DLGAP2: variants seen among roughly 807,000 people sequenced by gnomAD.
The protein encoded by DLGAP2 is DLG associated protein 2.
DLGAP2 carries 26 observed loss-of-function variants against 100.3 expected under a neutral mutation model. That is an observed-to-expected ratio of 0.26 (90% CI 0.19 to 0.36). DLGAP2 has a LOEUF of 0.36. Among genes scored for constraint, DLGAP2 ranks in the 10% least tolerant of loss-of-function variants. The pLI, the probability that DLGAP2 is intolerant of heterozygous loss-of-function variation, is 1.00. For synonymous variants in DLGAP2, 886 were observed against 630.1 expected (o/e 1.41, Z -6.08); for missense variants, 1,858 against 1,453.2 (o/e 1.28, Z -4.53).
chr8:774,303 G>C (rs1028793281), intron 1 of DLGAP2, among the ~76,000 whole-genome samples: 1 of 152,188 alleles, frequency 6.6e-6, no homozygotes. Flanking sequence ...TGAGTTGCCT[G>C]TTCACTCTGA....
At chr8:1,446,990 G>T (rs1257300430) in intron 3 of DLGAP2, among the ~76,000 whole-genome samples, 1 of 152,116 alleles carries the variant, frequency 6.6e-6, no homozygotes, top group Admixed American at 6.6e-5. Flanking sequence ...AGGAGATTTT[G>T]GGCTGAGACA....
chr8:1,355,407 C>G (rs182197989), intron 3 of DLGAP2, among the ~76,000 whole-genome samples: 1 of 152,040 alleles, frequency 6.6e-6, no homozygotes, highest in African/African-American at 2.4e-5. Flanking sequence ...CTCTGTCACC[C>G]AGGTTGGAGT....
chr8:1,230,199 T>C (rs534825530), intron 2 of DLGAP2, among the ~76,000 whole-genome samples: 1 of 152,298 alleles, frequency 6.6e-6, no homozygotes, highest in East Asian at 1.9e-4. Context: ...CAAAAATCAG[T>C]AGCATTTCTA....
intron 6 of DLGAP2, among the ~76,000 whole-genome samples, chr8:1,582,737 G>A (rs964186045): frequency 2.6e-5 from 4 of 152,120 alleles, no homozygotes; most frequent in African/African-American, 9.7e-5. Flanking sequence ...TTACAAGTGT[G>A]CACCACCACA....
rs1320728985 is a variant in DLGAP2, at chr8:1,549,214, C to A, written c.761C>A (p.Ala254Asp). 1 of 1,602,842 alleles carries A rather than the reference C, an allele frequency of 6.2e-7. No individual in the cohort carries two copies. Among genetic ancestry groups the A allele is most frequent in the Non-Finnish European group, 8.5e-7 (1 of 1,175,596 alleles). The change falls in exon 5 of 15, where the codon GCC becomes GAC. Residue 254 changes from alanine to aspartate, a missense_variant. Ala to Asp is a moderately radical substitution (Grantham distance 126). Coordinates refer to ENST00000637795, the MANE Select transcript of DLGAP2 (RefSeq NM_001346810.2). ...HSLEGSSKSN[A>D]NGTKADGRAD... ...CTGGAGGGCTCCTCCAAAAGCAACGCCAACGGCACCAAGGCGGACGGCCGG... is the reference window on the plus strand; with the variant it reads ...CTGGAGGGCTCCTCCAAAAGCAACGACAACGGCACCAAGGCGGACGGCCGG...
rs368229038 is a variant in DLGAP2 at position 1,549,330 on chromosome 8, A to G, written c.877A>G (p.Met293Val). The G allele has an allele frequency of 1.9e-6, 3 of 1,613,150 alleles. No homozygotes were observed. Among genetic ancestry groups the G allele is most frequent in the South Asian group, 1.1e-5 (1 of 91,076 alleles). ...RKPEGKPRPG[M>V]SSWWSSDDNL... ...GCCGGAGGGCAAGCCCCGGCCCGGC[A>G]TGAGCAGCTGGTGGAGCTCGGACGA... Residue 293 changes from methionine (M) to valine (V), a missense_variant, in exon 5 of 15, where the codon ATG becomes GTG. Met to Val is a conservative substitution (Grantham distance 21, BLOSUM62 1). Transcript: ENST00000637795.
chr8:1,576,273 G>C (rs971434014), intron 6 of DLGAP2, among the ~76,000 whole-genome samples: 10 of 152,304 alleles, frequency 6.6e-5, no homozygotes, highest in Non-Finnish European at 1.5e-4. Flanking sequence ...CTTCTTTTGA[G>C]AAGTGTCTGT....
At chr8:1,152,114 C>G (rs1184972997) in intron 2 of DLGAP2, among the ~76,000 whole-genome samples, 8 of 152,134 alleles carry the variant, frequency 5.3e-5, no homozygotes, top group African/African-American at 9.7e-5. Flanking sequence ...AGTATGTGTT[C>G]AAATATTTAC....
chr8:1,501,539 TA>T (rs1469754741), intron 4 of DLGAP2, 108 bp downstream of exon 4: 17 of 1,110,498 alleles, frequency 1.5e-5, no homozygotes, highest in Non-Finnish European at 2.2e-5. Context: ...TTAGCATGTT[TA>T]GAAAGGGAGC....
At chr8:1,309,947 T>C (rs1800576106) in intron 3 of DLGAP2, among the ~76,000 whole-genome samples, 1 of 151,358 alleles carries the variant, frequency 6.6e-6, no homozygotes, top group South Asian at 2.1e-4. Context: ...ACACAAAAAT[T>C]AGCCAGGTGT....
At chr8:1,343,973 C>T (rs982518755) in intron 3 of DLGAP2, among the ~76,000 whole-genome samples, 6 of 152,210 alleles carry the variant, frequency 3.9e-5, no homozygotes, top group East Asian at 1.9e-4. Flanking sequence ...AGAAACATGG[C>T]GGACAGAGGA....
rs371655978 is a variant in DLGAP2, at chr8:1,141,257, C to A, written c.74-117594C>A. On this transcript the variant is annotated intron_variant, in intron 2 of 14. Transcript: ENST00000637795. Reference sequence around the variant, plus strand: ...GATTAGAGAAAGGTGTTCGTTTCAACTGAGCGTTGAAAGTTGAATACTTTT... The same window carrying A: ...GATTAGAGAAAGGTGTTCGTTTCAAATGAGCGTTGAAAGTTGAATACTTTT... 5.9e-5 allele frequency among the ~76,000 whole-genome samples: 9 copies of A among 152,286 alleles called. No individual in the cohort carries two copies. In the South Asian group the frequency reaches 1.2e-3, roughly 21 times the overall value.
At chr8:1,275,715 C>CACAT (rs1799669194) in intron 3 of DLGAP2, among the ~76,000 whole-genome samples, 1 of 128,226 alleles carries the variant, frequency 7.8e-6, no homozygotes, top group African/African-American at 3.0e-5. Flanking sequence ...GCTAATAGGA[C>CACAT]ATATATATAT....
intron 4 of DLGAP2, among the ~76,000 whole-genome samples, chr8:1,534,645 T>A (rs1801093763): frequency 6.7e-6 from 1 of 150,280 alleles, no homozygotes; most frequent in Non-Finnish European, 1.5e-5. Context: ...TCAGTGGGGA[T>A]TTTTTTTAAA....
intron 1 of DLGAP2, among the ~76,000 whole-genome samples, chr8:877,588 A>C (rs978816190): frequency 6.6e-6 from 1 of 152,202 alleles, no homozygotes; most frequent in Non-Finnish European, 1.5e-5. Context: ...CTTTGAAGGA[A>C]TAGTTTGAGG....
intron 8 of DLGAP2, among the ~76,000 whole-genome samples, chr8:1,654,913 G>A (rs1002042505): frequency 9.9e-5 from 15 of 152,124 alleles, no homozygotes; most frequent in African/African-American, 3.4e-4. Flanking sequence ...TTCACTAAAC[G>A]TTGATGCATT....
intron 3 of DLGAP2, among the ~76,000 whole-genome samples, chr8:1,297,423 C>T (rs574308797): frequency 2.1e-4 from 32 of 150,018 alleles, no homozygotes; most frequent in African/African-American, 6.1e-4. Flanking sequence ...GTGGCATGCG[C>T]GAACAGACAC....
chr8:1,027,771 T>C (rs1175705059), intron 2 of DLGAP2, among the ~76,000 whole-genome samples: 2 of 84,960 alleles, frequency 2.4e-5, no homozygotes, highest in Non-Finnish European at 2.3e-5. Context: ...AGGTGGGGTG[T>C]CAGGCGCCCG....
chr8:941,019 C>T (rs919862307), intron 2 of DLGAP2, among the ~76,000 whole-genome samples: 1 of 152,218 alleles, frequency 6.6e-6, no homozygotes, highest in Non-Finnish European at 1.5e-5. Context: ...GCAGGAATCA[C>T]ACATAGTTAG....
Sources: allele counts gnomAD v4.1 joint callset (sites outside exome capture counted in the v4.1 genomes callset), GRCh38; gene constraint gnomAD v4.1.1; transcripts MANE v1.5; gene names NCBI Gene and HGNC (gene_info 2026-07-23, HGNC 2026-07-21).